Variants in GLG1 observed in about 807,000 individuals in gnomAD.
GLG1 encodes the protein Golgi apparatus protein 1.
Under a neutral mutation model 160.5 loss-of-function variants are expected in GLG1, and 38 were observed. That is an observed-to-expected ratio of 0.24 (90% CI 0.18 to 0.31). GLG1 has a LOEUF of 0.31. Ranked by LOEUF, GLG1 falls within the 10% of genes least tolerant of loss-of-function variation. The pLI is 1.00. For missense variants in GLG1, 1,373 were observed against 1,505.2 expected (o/e 0.91, Z 1.45); for synonymous variants, 644 against 543.4 (o/e 1.19, Z -2.57).
intron 1 of GLG1, among the ~76,000 whole-genome samples, chr16:74,544,496 TTTG>T (rs2017989610): frequency 6.6e-6 from 1 of 151,880 alleles, no homozygotes; most frequent in Non-Finnish European, 1.5e-5. Context: ...AATTTTGTTT[TTTG>T]TTGTTGTTTG....
intron 1 of GLG1, among the ~76,000 whole-genome samples, chr16:74,567,589 T>A (rs2018694268): frequency 8.3e-6 from 1 of 120,396 alleles, no homozygotes; most frequent in African/African-American, 3.2e-5. Flanking sequence ...TGAGACGGAG[T>A]CTCGCTCTGT....
At chr16:74,574,874 ACT>A (rs1416725674) in intron 1 of GLG1, among the ~76,000 whole-genome samples, 1 of 94,592 alleles carries the variant, frequency 1.1e-5, no homozygotes, top group African/African-American at 4.2e-5. Flanking sequence ...AGAGAGCAAG[ACT>A]CTGTCTCAAA....
chr16:74,575,717 G>C (rs529840630), intron 1 of GLG1, among the ~76,000 whole-genome samples: 2 of 152,292 alleles, frequency 1.3e-5, no homozygotes, highest in South Asian at 4.1e-4. Context: ...TCCTGCCTCA[G>C]CTTCCGCAGT....
rs529899188 is a variant in GLG1 at position 74,501,343 on chromosome 16, T to C, written c.774+2188A>G. On this transcript the variant is annotated intron_variant, in intron 4 of 25. Coordinates refer to ENST00000422840, the MANE Select transcript of GLG1 (RefSeq NM_001145667.2). Reference sequence around the variant, plus strand: ...CTTTGATGCTGGTGTAGTGACCTGGTATAAACTGAAATTTCACCCAACTGG... The same window carrying C: ...CTTTGATGCTGGTGTAGTGACCTGGCATAAACTGAAATTTCACCCAACTGG... Among the ~76,000 whole-genome samples, 221 of 152,328 alleles carry C rather than the reference T, an allele frequency of 1.5e-3. 1 individual carries two copies. In the South Asian group the frequency reaches 0.016, roughly 11 times the overall value.
chr16:74,453,140 G>A lies in GLG1; in HGVS notation c.*27C>T. On this transcript the variant is annotated 3_prime_UTR_variant, in exon 26 of 26. Coordinates refer to ENST00000422840, the MANE Select transcript of GLG1 (RefSeq NM_001145667.2). Reference sequence around the variant, plus strand: ...GCTGTACAAACTGGGCACTGGATAGGTAGTTCCTTTGGTGGTCAAGGTGGC... The same window carrying A: ...GCTGTACAAACTGGGCACTGGATAGATAGTTCCTTTGGTGGTCAAGGTGGC... The A allele has an allele frequency of 1.2e-6, 2 of 1,610,714 alleles. No individual in the cohort carries two copies. The highest frequency in any genetic ancestry group is 1.1e-5 in the South Asian group (1 of 90,522).
At chr16:74,545,372 G>A (rs942491542) in intron 1 of GLG1, among the ~76,000 whole-genome samples, 1 of 151,958 alleles carries the variant, frequency 6.6e-6, no homozygotes, top group African/African-American at 2.4e-5. Context: ...GTAGAGATGG[G>A]GTTTCACCAT....
chr16:74,562,379 C>T (rs1308937121), intron 1 of GLG1, among the ~76,000 whole-genome samples: 1 of 152,230 alleles, frequency 6.6e-6, no homozygotes, highest in Non-Finnish European at 1.5e-5. Flanking sequence ...GTATCTTCCT[C>T]TCCCAAACTC....
intron 1 of GLG1, among the ~76,000 whole-genome samples, chr16:74,601,289 C>T (rs757360076): frequency 6.6e-6 from 1 of 151,798 alleles, no homozygotes; most frequent in African/African-American, 2.4e-5. Flanking sequence ...TCTTAGAAAC[C>T]GTACTGTAGG....
At chr16:74,553,289 T>C (rs1298050763) in intron 1 of GLG1, among the ~76,000 whole-genome samples, 5 of 151,918 alleles carry the variant, frequency 3.3e-5, no homozygotes, top group Non-Finnish European at 2.9e-5. Flanking sequence ...CTTGAATTCC[T>C]GGGGTCAAGT....
At chr16:74,478,908 AG>A (rs35079724) in intron 11 of GLG1, among the ~76,000 whole-genome samples, 76,819 of 123,030 alleles carry the variant, frequency 0.62, 22,820 homozygotes, top group South Asian at 0.77. Context: ...AAAAAAAAAA[AG>A]GGGGGGGTTA....
chr16:74,591,093 G>GA (rs1958171253), intron 1 of GLG1, among the ~76,000 whole-genome samples: 1 of 152,308 alleles, frequency 6.6e-6, no homozygotes, highest in East Asian at 1.9e-4. Flanking sequence ...AGCACTTTGG[G>GA]AGGCCAAGGT....
Position 74,524,051 on chromosome 16 carries a change from G to A in GLG1, c.471+8070C>T, listed in dbSNP as rs572641710. 1.4e-3 allele frequency among the ~76,000 whole-genome samples: 214 copies of A among 151,980 alleles called. 1 individual carries two copies. The highest frequency in any genetic ancestry group is 9.4e-4 in the Non-Finnish European group (64 of 67,970). On this transcript the variant is annotated intron_variant, in intron 2 of 25. Transcript: ENST00000422840. ...AACATGGTAAAACCCCATCTCTACT[G>A]AAAATACAAAAACTAGCTGGGTGTG...
At chr16:74,579,334 G>A (rs1282722119) in intron 1 of GLG1, among the ~76,000 whole-genome samples, 1 of 140,318 alleles carries the variant, frequency 7.1e-6, no homozygotes, top group African/African-American at 2.8e-5. Flanking sequence ...AGGATCACCT[G>A]AGCCTTGGGA....
In GLG1 at chr16:74,465,741, C is replaced by T; in HGVS notation, c.2602G>A (p.Glu868Lys). Residue 868 changes from glutamate to lysine, a missense_variant, in exon 19 of 26, where the codon GAG becomes AAG. Around this residue, in one of 4 missense-constraint regions of GLG1, gnomAD observed 491 missense variants for 632.1 expected, o/e 0.78. Transcript: ENST00000422840. ...RCHQKVFKLQ[E>K]TEMMDPELDY... ...AGCTCTGGGTCCATCATCTCTGTCT[C>T]CTGCAGCTTAAATACTTTTTGGTGG... 1 of 1,613,634 alleles carries T rather than the reference C, an allele frequency of 6.2e-7. No individual in the cohort carries two copies. Among genetic ancestry groups the T allele is most frequent in the Non-Finnish European group, 8.5e-7 (1 of 1,179,580 alleles).
intron 3 of GLG1, 130 bp downstream of exon 3, chr16:74,508,709 T>C (rs1446342280): frequency 1.7e-6 from 1 of 579,736 alleles, no homozygotes; most frequent in African/African-American, 1.8e-5. Flanking sequence ...CCCAACTTCC[T>C]AATTTTCAAC....
At chr16:74,570,657 A>G (rs1355376321) in intron 1 of GLG1, among the ~76,000 whole-genome samples, 2 of 152,092 alleles carry the variant, frequency 1.3e-5, no homozygotes, top group East Asian at 1.9e-4. Context: ...ACACTTTGGG[A>G]CGCCAGGGCA....
intron 22 of GLG1, among the ~76,000 whole-genome samples, chr16:74,460,477 C>T (rs989792576): frequency 2.0e-5 from 3 of 152,214 alleles, no homozygotes; most frequent in Non-Finnish European, 4.4e-5. Context: ...GTTTCAAAAG[C>T]AGATGAGTCC....
intron 20 of GLG1, chr16:74,462,871 C>T (rs2014856516): frequency 3.7e-6 from 2 of 535,484 alleles, no homozygotes; most frequent in South Asian, 2.2e-5. Context: ...TTTGTGCAGA[C>T]TCCAATACTC....
chr16:74,493,472 G>C (rs911436534), intron 6 of GLG1, among the ~76,000 whole-genome samples: 12 of 152,132 alleles, frequency 7.9e-5, no homozygotes, highest in African/African-American at 2.7e-4. Context: ...ACAATACCCC[G>C]AACATAAATT....
Sources: allele counts gnomAD v4.1 joint callset (sites outside exome capture counted in the v4.1 genomes callset), GRCh38; gene constraint gnomAD v4.1.1; regional missense constraint gnomAD v4.1.1; transcripts MANE v1.5; gene names NCBI Gene and HGNC (gene_info 2026-07-23, HGNC 2026-07-21).